NR2C1: variants seen among roughly 807,000 people sequenced by gnomAD.
The protein encoded by NR2C1 is nuclear receptor subfamily 2 group C member 1.
In NR2C1, 33 loss-of-function variants were observed where a neutral mutation model predicts 74.8. The observed-to-expected ratio is 0.44, with a 90% CI of 0.33 to 0.59. NR2C1 has a LOEUF of 0.59. Ranked by LOEUF, NR2C1 falls within the 20% of genes least tolerant of loss-of-function variation. The pLI is 0.02. For missense variants in NR2C1, 568 were observed against 715.6 expected (o/e 0.79, Z 2.35); for synonymous variants, 225 against 240.6 (o/e 0.94, Z 0.60).
intron 9 of NR2C1, among the ~76,000 whole-genome samples, chr12:95,045,406 T>C (rs1410984889): frequency 6.6e-6 from 1 of 152,058 alleles, no homozygotes; most frequent in African/African-American, 2.4e-5. Context: ...TTAACAAATA[T>C]AACGCTGGTA....
At position 95,073,364 on chromosome 12, in the gene NR2C1, A is replaced by G. The variant is rs1468958156; in HGVS notation, c.-8+16T>C. ...CCCCGACGCGGTCGCTGGTGTCCCC[A>G]CCCAGCGTTTCTTACCGGCGCTTTT... On this transcript the variant is annotated intron_variant, in intron 1 of 13. Transcript: ENST00000333003. 6.6e-6 allele frequency: 1 copy of G among 152,208 alleles called. No homozygotes were observed. Among genetic ancestry groups the G allele is most frequent in the Non-Finnish European group, 1.5e-5 (1 of 68,056 alleles). 9.4% of individuals were successfully genotyped at this position (152,208 alleles called of 1,614,324 possible). A position where few individuals can be genotyped will look rare whatever the true frequency, so the allele number is the denominator to read the frequency against.
At chr12:95,050,830 A>G (rs1872895052) in intron 8 of NR2C1, among the ~76,000 whole-genome samples, 1 of 152,108 alleles carries the variant, frequency 6.6e-6, no homozygotes, top group African/African-American at 2.4e-5. Flanking sequence ...TAAAAAACAG[A>G]ATTCTGATAC....
chr12:95,062,482 G>A (rs1163891467), intron 3 of NR2C1, 26 bp downstream of exon 3: 4 of 1,505,714 alleles, frequency 2.7e-6, no homozygotes, highest in South Asian at 1.2e-5. Flanking sequence ...TATGTAAGAG[G>A]AAAAGACACT....
At chr12:95,072,455 C>CAAAAAAAAAAAAA (rs570185714) in intron 1 of NR2C1, among the ~76,000 whole-genome samples, 4 of 60,312 alleles carry the variant, frequency 6.6e-5, no homozygotes, top group Non-Finnish European at 6.5e-5. Context: ...CTCTCCCTCT[C>CAAAAAAAAAAAAA]AAAAAAAAAA....
intron 11 of NR2C1, among the ~76,000 whole-genome samples, chr12:95,031,118 T>C (rs568822220): frequency 6.6e-6 from 1 of 152,360 alleles, no homozygotes; most frequent in East Asian, 1.9e-4. Context: ...TGGTCAGAAA[T>C]AGCCTGCCAG....
intron 11 of NR2C1, chr12:95,030,978 G>A: frequency 2.2e-6 from 2 of 900,604 alleles, no homozygotes; most frequent in Non-Finnish European, 3.5e-6. Flanking sequence ...ACCTATCTTA[G>A]GATTCAAAGG....
chr12:95,053,324 T>C (rs923072890), intron 7 of NR2C1, among the ~76,000 whole-genome samples: 15 of 152,222 alleles, frequency 9.9e-5, no homozygotes, highest in Admixed American at 7.9e-4. Flanking sequence ...ACTTGTGCAT[T>C]AGCTACAATT....
chr12:95,046,249 A>G (rs17023608), intron 9 of NR2C1, among the ~76,000 whole-genome samples: 17,924 of 152,198 alleles, frequency 0.12, 1,671 homozygotes, highest in African/African-American at 0.26. Flanking sequence ...ACAAGACACT[A>G]AACATCTCTA....
intron 12 of NR2C1, among the ~76,000 whole-genome samples, chr12:95,025,537 A>G (rs1038833851): frequency 1.3e-5 from 2 of 151,812 alleles, no homozygotes; most frequent in Non-Finnish European, 2.9e-5. Flanking sequence ...GCATGCCTGT[A>G]ATCCAAGCTA....
At chr12:95,050,560 C>T (rs1244190377) in intron 8 of NR2C1, among the ~76,000 whole-genome samples, 12 of 152,168 alleles carry the variant, frequency 7.9e-5, no homozygotes, top group East Asian at 3.9e-4. Context: ...CCACCCCTCT[C>T]GGCCTCCTAA....
Position 95,062,540 on chromosome 12 carries a change from T to TA in NR2C1, c.252dup (p.Thr85TyrfsTer4), listed in dbSNP as rs1269072542. 1.2e-6 allele frequency: 2 copies of TA among 1,611,780 alleles called. No homozygotes were observed. The highest frequency in any genetic ancestry group is 1.7e-6 in the Non-Finnish European group (2 of 1,178,692). On this transcript the variant is annotated frameshift_variant, in exon 3 of 14. Transcript: ENST00000333003. LOFTEE classifies it high-confidence loss of function. The stretch of plus-strand genomic sequence containing the variant: ...TGTTGTGCAGACAGATCAGGAGTGG[T>TA]AAAAAATAACTGGTTGACACCTGCT...
chr12:95,072,294 A>C (rs1212187709), intron 1 of NR2C1, among the ~76,000 whole-genome samples: 1 of 134,394 alleles, frequency 7.4e-6, no homozygotes, highest in African/African-American at 2.9e-5. Context: ...ACAAAAACAA[A>C]AACAAAAAAA....
intron 2 of NR2C1, among the ~76,000 whole-genome samples, chr12:95,066,748 A>C (rs75120242): frequency 0.013 from 2,052 of 152,346 alleles, 42 homozygotes; most frequent in African/African-American, 0.047. Context: ...TTCATCATAT[A>C]GTATCATCAC....
chr12:95,070,033 G>A (rs769730886), intron 1 of NR2C1, among the ~76,000 whole-genome samples: 3 of 152,206 alleles, frequency 2.0e-5, no homozygotes, highest in Non-Finnish European at 2.9e-5. Flanking sequence ...AGCAGTGTCT[G>A]TTTTCTTCCC....
intron 11 of NR2C1, chr12:95,030,398 CTG>C (rs1292919955): frequency 2.5e-6 from 3 of 1,221,320 alleles, no homozygotes; most frequent in African/African-American, 3.1e-5. Context: ...AAGAAAAAAA[CTG>C]AAGCAGAATA....
intron 7 of NR2C1, among the ~76,000 whole-genome samples, chr12:95,056,788 C>A (rs1175359934): frequency 5.3e-5 from 8 of 151,920 alleles, no homozygotes; most frequent in Admixed American, 3.3e-4. Flanking sequence ...GAAACCCCGT[C>A]TCTACTAAAA....
chr12:95,051,747 CAA>C lies in NR2C1; in HGVS notation c.965+13_965+14del, dbSNP rs760349374. ...ATGTAAACAAAAGGACATTGATAAT[CAA>C]AAGATACCTTACCTTGAAACATCAC... On this transcript the variant is annotated intron_variant, in intron 8 of 13. Coordinates refer to ENST00000333003, the MANE Select transcript of NR2C1 (RefSeq NM_003297.4). The C allele has an allele frequency of 5.5e-4, 874 of 1,576,310 alleles. 1 individual carries two copies. Among genetic ancestry groups the C allele is most frequent in the Non-Finnish European group, 5.0e-4 (589 of 1,167,936 alleles).
intron 11 of NR2C1, among the ~76,000 whole-genome samples, chr12:95,029,861 C>A (rs1869848783): frequency 6.6e-6 from 1 of 151,996 alleles, no homozygotes; most frequent in Admixed American, 6.6e-5. Context: ...CCAACACCCC[C>A]CTCCCCACCC....
At chr12:95,035,444 C>T (rs1463008412) in intron 10 of NR2C1, among the ~76,000 whole-genome samples, 1 of 151,904 alleles carries the variant, frequency 6.6e-6, no homozygotes, top group Non-Finnish European at 1.5e-5. Flanking sequence ...TGCTAGTAAA[C>T]ACAGGAAAGG....
Sources: allele counts gnomAD v4.1 joint callset (sites outside exome capture counted in the v4.1 genomes callset), GRCh38; gene constraint gnomAD v4.1.1; transcripts MANE v1.5; gene names NCBI Gene and HGNC (gene_info 2026-07-23, HGNC 2026-07-21).